Variants in SYTL5 observed in about 807,000 individuals in gnomAD.
SYTL5 encodes the protein synaptotagmin like 5.
Under a neutral mutation model 55.9 loss-of-function variants are expected in SYTL5, and 34 were observed. The observed-to-expected ratio is 0.61, with a 90% CI of 0.46 to 0.81. The LOEUF is 0.81. SYTL5 is among the 30% of genes least tolerant of loss of function. The probability of loss-of-function intolerance (pLI) is 0.00; values close to 1 mark genes in which losing one functional copy is unlikely to be tolerated. For synonymous variants in SYTL5, 221 were observed against 188.7 expected (o/e 1.17, Z -1.40); for missense variants, 637 against 546.7 (o/e 1.17, Z -1.65).
chrX:37,944,498 G>A, the SYTL5 span, among the ~76,000 whole-genome samples: 1 of 111,621 alleles, frequency 9.0e-6, no homozygotes, highest in Non-Finnish European at 1.9e-5. Flanking sequence ...CCACAAAACT[G>A]CCCCAACCCC....
At chrX:38,042,283 T>C (rs1404881922) in intron 2 of SYTL5, among the ~76,000 whole-genome samples, 2 of 109,705 alleles carry the variant, frequency 1.8e-5, no homozygotes, top group Non-Finnish European at 3.8e-5. Context: ...TGGGGATTGG[T>C]TTCAGGGCCC....
At chrX:37,909,684 T>TTA in the SYTL5 span, among the ~76,000 whole-genome samples, 3 of 109,684 alleles carry the variant, frequency 2.7e-5, no homozygotes, top group African/African-American at 1.0e-4. Context: ...GTTTTTATTT[T>TTA]TTTTTTTGAG....
chrX:37,967,657 T>C, the SYTL5 span, among the ~76,000 whole-genome samples: 1 of 111,624 alleles, frequency 9.0e-6, no homozygotes, highest in African/African-American at 3.3e-5. Context: ...TCCCTTTCTA[T>C]ATCTTTTTTC....
chrX:38,126,540 C>T, intron 16 of SYTL5, 48 bp from the exon 17 acceptor site: 1 of 1,195,192 alleles, frequency 8.4e-7, no homozygotes, highest in Non-Finnish European at 1.1e-6. Flanking sequence ...TGCAGGAGAG[C>T]AAAGCATTTC....
upstream of SYTL5, among the ~76,000 whole-genome samples, chrX:38,004,451 AT>A (rs1351968230): frequency 1.8e-5 from 2 of 111,955 alleles, no homozygotes; most frequent in African/African-American, 3.2e-5. Flanking sequence ...GGAAATCAGT[AT>A]ATTCAAGAGA....
At chrX:38,035,893 C>CA (rs1249021516) in intron 2 of SYTL5, among the ~76,000 whole-genome samples, 1 of 110,265 alleles carries the variant, frequency 9.1e-6, no homozygotes, top group Non-Finnish European at 1.9e-5. Flanking sequence ...GACTCTGTCT[C>CA]AAAAAAAATT....
At chrX:37,956,764 G>A in the SYTL5 span, among the ~76,000 whole-genome samples, 1 of 111,803 alleles carries the variant, frequency 8.9e-6, no homozygotes, top group African/African-American at 3.3e-5. Flanking sequence ...GCGCAGATAT[G>A]CCTTCGGGAT....
At chrX:38,081,934 T>C (rs1294870954) in intron 6 of SYTL5, among the ~76,000 whole-genome samples, 2 of 111,146 alleles carry the variant, frequency 1.8e-5, no homozygotes, top group Non-Finnish European at 3.8e-5. Flanking sequence ...CAAGATTCTG[T>C]GGGTAGAGGT....
chrX:37,925,752 C>T, the SYTL5 span, among the ~76,000 whole-genome samples: 1 of 110,858 alleles, frequency 9.0e-6, no homozygotes, highest in Non-Finnish European at 1.9e-5. Context: ...TTATCCCTCA[C>T]CCCCCTCTTC....
chrX:37,963,270 T>G, the SYTL5 span, among the ~76,000 whole-genome samples: 1 of 101,460 alleles, frequency 9.9e-6, no homozygotes, highest in African/African-American at 3.6e-5. Flanking sequence ...GTATGTTGAT[T>G]TTGTTTTTGT....
chrX:38,088,286 TA>T (rs1332050261), intron 6 of SYTL5, among the ~76,000 whole-genome samples: 1 of 112,118 alleles, frequency 8.9e-6, no homozygotes, highest in Non-Finnish European at 1.9e-5. Flanking sequence ...TTATTCTATT[TA>T]ACCTTTCCTC....
chrX:38,050,796 T>C (rs5918460), intron 2 of SYTL5, among the ~76,000 whole-genome samples: 44,938 of 110,747 alleles, frequency 0.41, 8,815 homozygotes, highest in African/African-American at 0.76. Flanking sequence ...TTCATGGCAT[T>C]TTCAGACCAG....
chrX:37,902,640 T>C, the SYTL5 span, among the ~76,000 whole-genome samples: 2 of 111,380 alleles, frequency 1.8e-5, no homozygotes, highest in African/African-American at 6.5e-5. Context: ...AACTGAAAGG[T>C]ATTTATATTT....
At chrX:38,024,739 G>C in intron 1 of SYTL5, among the ~76,000 whole-genome samples, 1 of 111,784 alleles carries the variant, frequency 8.9e-6, no homozygotes, top group Non-Finnish European at 1.9e-5. Context: ...ATAAGTGTTA[G>C]TGGTTATTAT....
At position 38,089,562 on chromosome X, in the gene SYTL5, G is replaced by T; in HGVS notation, c.806G>T (p.Arg269Leu). Residue 269 changes from arginine to leucine, a missense_variant, in exon 7 of 17, where the codon CGA becomes CTA. Transcript: ENST00000297875. ...GTQSSPAPST[R>L]TVTSVISREY... The stretch of plus-strand genomic sequence containing the variant: ...CAGAGTTCACCAGCCCCAAGCACAC[G>T]AACTGTGACCTCAGTCATCAGTAGA... The T allele has an allele frequency of 8.3e-7, 1 of 1,210,456 alleles. No homozygotes were observed.
the SYTL5 span, among the ~76,000 whole-genome samples, chrX:37,980,081 T>A: frequency 8.9e-6 from 1 of 111,819 alleles, no homozygotes; most frequent in Non-Finnish European, 1.9e-5. Context: ...TCTTGCGAGT[T>A]TGCTGAGAAT....
At chrX:38,048,932 AT>A (rs1054595958) in intron 2 of SYTL5, among the ~76,000 whole-genome samples, 10 of 111,555 alleles carry the variant, frequency 9.0e-5, no homozygotes, top group African/African-American at 2.6e-4. Flanking sequence ...TGAAAGCATA[AT>A]TTTTTTTATA....
At chrX:38,028,133 C>T (rs1481510865) in intron 1 of SYTL5, among the ~76,000 whole-genome samples, 3 of 111,754 alleles carry the variant, frequency 2.7e-5, no homozygotes, top group African/African-American at 9.8e-5. Flanking sequence ...CAATTCTTCT[C>T]CTCTTGAGGT....
chrX:37,982,753 C>A, the SYTL5 span, among the ~76,000 whole-genome samples: 6 of 111,093 alleles, frequency 5.4e-5, no homozygotes, highest in East Asian at 2.8e-4. Context: ...ATGAAGAGAG[C>A]CATAAATGAG....
Sources: allele counts gnomAD v4.1 joint callset (sites outside exome capture counted in the v4.1 genomes callset), GRCh38; gene constraint gnomAD v4.1.1; transcripts MANE v1.5; gene names NCBI Gene and HGNC (gene_info 2026-07-23, HGNC 2026-07-21).